The following PPP2R2C variants were observed in gnomAD, a reference collection of about 807,000 sequenced individuals.
The protein encoded by PPP2R2C is protein phosphatase 2, regulatory subunit B, gamma.
In PPP2R2C, 10 loss-of-function variants were observed where a neutral mutation model predicts 45.3. The observed-to-expected ratio is 0.22, with a 90% confidence interval of 0.14 to 0.37. The LOEUF (loss-of-function observed/expected upper bound fraction) is 0.37. Ranked by LOEUF, PPP2R2C falls within the 10% of genes least tolerant of loss-of-function variation. PPP2R2C has a pLI of 1.00. For synonymous variants in PPP2R2C, 257 were observed against 245.4 expected, an observed-to-expected ratio of 1.05 and a Z score of -0.44; for missense variants, 308 against 619.7, an observed-to-expected ratio of 0.50 and a Z score of 5.34.
intron 5 of PPP2R2C, among the ~76,000 whole-genome samples, chr4:6,362,106 T>C (rs886576090): frequency 3.3e-5 from 5 of 151,292 alleles, no homozygotes; most frequent in African/African-American, 1.2e-4. Flanking sequence ...TGGCTGAGCA[T>C]GAGGGAGGGA....
At chr4:6,404,551 G>T (rs1717660802) in intron 1 of PPP2R2C, among the ~76,000 whole-genome samples, 1 of 152,186 alleles carries the variant, frequency 6.6e-6, no homozygotes, top group African/African-American at 2.4e-5. Context: ...TCACTCTAAA[G>T]GTTTGGAGGG....
intron 1 of PPP2R2C, among the ~76,000 whole-genome samples, chr4:6,466,561 C>A (rs1377544274): frequency 3.3e-5 from 5 of 152,228 alleles, no homozygotes; most frequent in East Asian, 3.9e-4. Context: ...GAAGGAAATA[C>A]CCCAGTTGCT....
At chr4:6,428,537 T>G (rs946321897) in intron 1 of PPP2R2C, among the ~76,000 whole-genome samples, 2 of 152,210 alleles carry the variant, frequency 1.3e-5, no homozygotes, top group African/African-American at 4.8e-5. Flanking sequence ...ACCCGTGACT[T>G]AAGCATTAGG....
intron 4 of PPP2R2C, among the ~76,000 whole-genome samples, chr4:6,374,203 C>G (rs933970585): frequency 6.6e-6 from 1 of 152,134 alleles, no homozygotes; most frequent in African/African-American, 2.4e-5. Context: ...CATCACTGGC[C>G]CAGCAAAGTC....
chr4:6,534,946 G>T (rs1724553361), intron 2 of PPP2R2C, among the ~76,000 whole-genome samples: 1 of 152,250 alleles, frequency 6.6e-6, no homozygotes, highest in Non-Finnish European at 1.5e-5. Flanking sequence ...GGCCCAGTGA[G>T]TAAACAACGC....
chr4:6,376,259 T>C (rs563959338), intron 3 of PPP2R2C, among the ~76,000 whole-genome samples: 2 of 152,298 alleles, frequency 1.3e-5, no homozygotes, highest in African/African-American at 4.8e-5. Context: ...TAGCACCATG[T>C]TGATGAGAAG....
chr4:6,507,351 C>T (rs1384619861), intron 2 of PPP2R2C, among the ~76,000 whole-genome samples: 1 of 152,306 alleles, frequency 6.6e-6, no homozygotes, highest in East Asian at 1.9e-4. Context: ...AGGCCTTGGG[C>T]AAATGTACTG....
At position 6,535,688 on chromosome 4, in the gene PPP2R2C, C is replaced by T. The variant is rs1577245379; in HGVS notation, c.-58-311G>A. Among the ~76,000 whole-genome samples the T allele has an allele frequency of 2.0e-5, 3 of 152,248 alleles. No homozygotes were observed. The East Asian group carries it at 5.8e-4, about 29-fold the overall frequency. On this transcript the variant is annotated intron_variant, in intron 1 of 9. Coordinates refer to the PPP2R2C transcript ENST00000506140. ...TCGTTTGTCTTCAAACTTCACCCCG[C>T]AGCAGCTATTTCCCCACAGCCTACG...
intron 8 of PPP2R2C, among the ~76,000 whole-genome samples, chr4:6,325,786 G>A (rs1363239696): frequency 1.3e-5 from 2 of 152,214 alleles, no homozygotes; most frequent in East Asian, 3.9e-4. Flanking sequence ...GAAAAGGGCA[G>A]GGGAGCTGCT....
At chr4:6,408,025 AATT>A (rs1411322988) in intron 1 of PPP2R2C, among the ~76,000 whole-genome samples, 2 of 152,146 alleles carry the variant, frequency 1.3e-5, no homozygotes, top group Non-Finnish European at 2.9e-5. Flanking sequence ...TGGATATACA[AATT>A]ATTACAATTA....
In PPP2R2C at chr4:6,500,530, G is replaced by A. The variant is rs575586676; in HGVS notation, c.49+34741C>T. On this transcript the variant is annotated intron_variant, in intron 2 of 9. Coordinates refer to the PPP2R2C transcript ENST00000506140. ...TTGATCTCATCCACTCCAAGCTGTC[G>A]GCCTTGGACCTACCATCATTTGGAA... is the stretch of plus-strand genomic sequence containing the variant. 5.3e-5 allele frequency among the ~76,000 whole-genome samples: 8 copies of A among 152,288 alleles called. No individual in the cohort carries two copies. In the East Asian group the frequency reaches 5.8e-4, roughly 11 times the overall value.
intron 1 of PPP2R2C, among the ~76,000 whole-genome samples, chr4:6,457,141 G>C (rs1721080759): frequency 7.1e-6 from 1 of 140,654 alleles, no homozygotes; most frequent in African/African-American, 2.6e-5. Flanking sequence ...CCAGGAGACA[G>C]AAGTTGCAGT....
At position 6,479,022 on chromosome 4, in the gene PPP2R2C, G is replaced by A. The variant is rs144439973; in HGVS notation, c.49+56249C>T. Among the ~76,000 whole-genome samples, 323 of 152,296 alleles carry A rather than the reference G, an allele frequency of 2.1e-3. 1 individual carries two copies. The highest frequency in any genetic ancestry group is 7.2e-3 in the African/African-American group (298 of 41,564). On this transcript the variant is annotated intron_variant, in intron 2 of 9. Coordinates refer to the PPP2R2C transcript ENST00000506140. ...GGTCACATGGCCACGTGACCTCAGC[G>A]GAGCGTGCAAGTACAGTCTCCCTCC...
chr4:6,547,489 G>T (rs1370921831), intron 1 of PPP2R2C, among the ~76,000 whole-genome samples: 2 of 152,060 alleles, frequency 1.3e-5, no homozygotes. Context: ...CTTCTGGCGG[G>T]ATGCACTGGG....
At chr4:6,417,095 G>A (rs1718641992) in intron 1 of PPP2R2C, among the ~76,000 whole-genome samples, 1 of 152,228 alleles carries the variant, frequency 6.6e-6, no homozygotes, top group Non-Finnish European at 1.5e-5. Context: ...CGGCAGCTGG[G>A]CAGTGGCAGT....
At chr4:6,504,604 A>G (rs1723162338) in intron 2 of PPP2R2C, among the ~76,000 whole-genome samples, 1 of 152,210 alleles carries the variant, frequency 6.6e-6, no homozygotes, top group Non-Finnish European at 1.5e-5. Flanking sequence ...AGAAATAGAA[A>G]CTACTAAATA....
At chr4:6,369,554 G>T (rs937651503) in intron 5 of PPP2R2C, among the ~76,000 whole-genome samples, 5 of 152,228 alleles carry the variant, frequency 3.3e-5, no homozygotes, top group Admixed American at 2.0e-4. Flanking sequence ...GCACAGCTGT[G>T]GGGGGTTTTG....
chr4:6,537,562 T>C, intron 1 of PPP2R2C, among the ~76,000 whole-genome samples: 1 of 151,630 alleles, frequency 6.6e-6, no homozygotes, highest in East Asian at 1.9e-4. Flanking sequence ...TTTTTTTTTT[T>C]TTTTTGGAGA....
In PPP2R2C at chr4:6,345,264, C is replaced by G. The variant is rs1711736802; in HGVS notation, c.790+2582G>C. Among the ~76,000 whole-genome samples, 1 of 152,136 alleles carries G rather than the reference C, an allele frequency of 6.6e-6. No homozygotes were observed. The highest frequency in any genetic ancestry group is 1.9e-4 in the East Asian group (1 of 5,200). On this transcript the variant is annotated intron_variant, in intron 6 of 8. Coordinates refer to ENST00000382599, the MANE Select transcript of PPP2R2C (RefSeq NM_020416.4). The surrounding 1 kb of genome is among the most constrained non-coding windows in gnomAD (Gnocchi z 5.3). ...GGACCCAGACCTGGCTGTACACAGG[C>G]ACAGCTGGAGGCACATGTGGCCTGA... is the stretch of plus-strand genomic sequence containing the variant.
Sources: allele counts gnomAD v4.1 joint callset (sites outside exome capture counted in the v4.1 genomes callset), GRCh38; gene constraint gnomAD v4.1.1; non-coding constraint Gnocchi (gnomAD v3.1); transcripts MANE v1.5; gene names NCBI Gene and HGNC (gene_info 2026-07-23, HGNC 2026-07-21).